SNTG2: variants seen among roughly 807,000 people sequenced by gnomAD.
SNTG2 encodes gamma-2-syntrophin.
In SNTG2, 74 loss-of-function variants were observed where a neutral mutation model predicts 70.9. The observed-to-expected ratio is 1.04, with a 90% CI of 0.86 to 1.27. The LOEUF is 1.27. SNTG2 is among the 50% of genes most tolerant of loss of function. SNTG2 has a pLI of 0.00. For missense variants in SNTG2, 717 were observed against 690.7 expected, an observed-to-expected ratio of 1.04 and a Z score of -0.43; for synonymous variants, 278 against 273.8, an observed-to-expected ratio of 1.02 and a Z score of -0.15.
chr2:1,118,564 T>C (rs1013622092), intron 4 of SNTG2, among the ~76,000 whole-genome samples: 6 of 151,534 alleles, frequency 4.0e-5, no homozygotes, highest in Non-Finnish European at 1.5e-5. Flanking sequence ...TCAGATAGCA[T>C]AAAAAGGAAC....
rs959788251 is a variant in SNTG2 at position 1,175,739 on chromosome 2, G to A, written c.591+2556G>A. Among the ~76,000 whole-genome samples the A allele has an allele frequency of 3.9e-5, 6 of 152,170 alleles. No individual in the cohort carries two copies. In the East Asian group the frequency reaches 1.2e-3, roughly 29 times the overall value. On this transcript the variant is annotated intron_variant, in intron 8 of 16. Transcript: ENST00000308624. The stretch of plus-strand genomic sequence containing the variant: ...GAAACTGTCCTCCTACCCTTTCTGT[G>A]CAGTTATCCTCAGGGTTTTTCTCCC...
At chr2:1,016,878 A>C (rs940354285) in intron 1 of SNTG2, among the ~76,000 whole-genome samples, 1 of 152,208 alleles carries the variant, frequency 6.6e-6, no homozygotes, top group Non-Finnish European at 1.5e-5. Context: ...AGCCTCTGCA[A>C]AACCAGCCAG....
intron 14 of SNTG2, among the ~76,000 whole-genome samples, chr2:1,284,885 G>A (rs1679703973): frequency 7.2e-6 from 1 of 138,456 alleles, no homozygotes; most frequent in South Asian, 2.4e-4. Context: ...TATTAGTCAG[G>A]GTTCTCTACA....
At chr2:1,274,489 G>A (rs1679190040) in intron 14 of SNTG2, among the ~76,000 whole-genome samples, 1 of 152,204 alleles carries the variant, frequency 6.6e-6, no homozygotes, top group Non-Finnish European at 1.5e-5. Flanking sequence ...CAGAGCAATA[G>A]TTTAATTTTA....
intron 16 of SNTG2, among the ~76,000 whole-genome samples, chr2:1,355,547 C>T (rs548161153): frequency 6.6e-6 from 1 of 152,296 alleles, no homozygotes; most frequent in South Asian, 2.1e-4. Context: ...GGCTGAATAA[C>T]GTACCTGCAT....
At chr2:1,224,873 G>A (rs1211320894) in intron 9 of SNTG2, among the ~76,000 whole-genome samples, 1 of 152,194 alleles carries the variant, frequency 6.6e-6, no homozygotes, top group Non-Finnish European at 1.5e-5. Context: ...GGTCACAAGA[G>A]TGGTTACGTT....
rs369770295 is a variant in SNTG2, at chr2:1,316,495, G to A, written c.1488+120G>A. 6 of 278,270 alleles carry A rather than the reference G, an allele frequency of 2.2e-5. No homozygotes were observed. The South Asian group carries it at 3.7e-4, about 17-fold the overall frequency. The allele number at this position is 278,270 out of a possible 1,614,324, so 17.2% of individuals were successfully genotyped here. On this transcript the variant is annotated intron_variant, in intron 16 of 16. Transcript: ENST00000308624. The stretch of plus-strand genomic sequence containing the variant: ...ACACAAAAATAAACCAATAGGTCCT[G>A]AAGCACGAGTCCTTCCTGAAAATTA...
chr2:1,007,276 A>G (rs1471580782), intron 1 of SNTG2, among the ~76,000 whole-genome samples: 1 of 152,110 alleles, frequency 6.6e-6, no homozygotes, highest in East Asian at 1.9e-4. Context: ...TGTTTTGGCC[A>G]ATTCCTGACC....
chr2:1,254,951 A>C (rs1282134096), intron 12 of SNTG2, among the ~76,000 whole-genome samples: 2 of 152,170 alleles, frequency 1.3e-5, no homozygotes, highest in African/African-American at 2.4e-5. Flanking sequence ...CGGACATGCA[A>C]AATCATTCCC....
chr2:1,076,658 G>A (rs951991122), intron 1 of SNTG2, among the ~76,000 whole-genome samples: 2 of 152,158 alleles, frequency 1.3e-5, no homozygotes, highest in African/African-American at 4.8e-5. Context: ...TCTCAGCAGA[G>A]ATGCACTCAG....
intron 4 of SNTG2, among the ~76,000 whole-genome samples, chr2:1,134,680 C>T (rs1023393241): frequency 7.2e-5 from 11 of 152,162 alleles, no homozygotes; most frequent in South Asian, 2.1e-4. Context: ...GATCCCCCAC[C>T]GGGGCTGCAG....
At chr2:1,308,369 C>A in intron 14 of SNTG2, 125 bp from the exon 15 acceptor site, 1 of 822,798 alleles carries the variant, frequency 1.2e-6, no homozygotes, top group South Asian at 1.7e-5. Context: ...GTTTTGTTCC[C>A]CGTAACTTGC....
chr2:1,017,008 T>A (rs975666435), intron 1 of SNTG2, among the ~76,000 whole-genome samples: 1 of 152,176 alleles, frequency 6.6e-6, no homozygotes, highest in Non-Finnish European at 1.5e-5. Context: ...CAGAGCTGGA[T>A]GAGCTATGAG....
intron 1 of SNTG2, among the ~76,000 whole-genome samples, chr2:999,976 A>G (rs1436498052): frequency 6.6e-6 from 1 of 151,938 alleles, no homozygotes; most frequent in Non-Finnish European, 1.5e-5. Context: ...ATTCCAAGAG[A>G]AACTCCCCAA....
At chr2:1,117,617 G>A (rs187165201) in intron 4 of SNTG2, among the ~76,000 whole-genome samples, 1 of 152,232 alleles carries the variant, frequency 6.6e-6, no homozygotes, top group Admixed American at 6.5e-5. Flanking sequence ...AACCGAGGCG[G>A]AGCTGTGCCA....
chr2:1,037,495 C>A (rs1175971076), intron 1 of SNTG2, among the ~76,000 whole-genome samples: 4 of 152,144 alleles, frequency 2.6e-5, no homozygotes, highest in Admixed American at 2.6e-4. Context: ...CCATTTACAG[C>A]CATTTTGCAT....
intron 14 of SNTG2, among the ~76,000 whole-genome samples, chr2:1,284,536 T>C (rs1201197436): frequency 6.6e-6 from 1 of 152,158 alleles, no homozygotes; most frequent in Non-Finnish European, 1.5e-5. Context: ...AAAAAGAGAA[T>C]ATATTTCTCA....
At chr2:1,279,379 A>T (rs1485351474) in intron 14 of SNTG2, among the ~76,000 whole-genome samples, 1 of 152,176 alleles carries the variant, frequency 6.6e-6, no homozygotes, top group Non-Finnish European at 1.5e-5. Context: ...CACAAGTTAA[A>T]CTTTATTGCA....
intron 4 of SNTG2, among the ~76,000 whole-genome samples, chr2:1,132,484 C>T (rs557898212): frequency 6.6e-6 from 1 of 152,302 alleles, no homozygotes; most frequent in East Asian, 1.9e-4. Context: ...AAAATTCTCT[C>T]TTGATGTAGG....
Sources: gnomAD v4.1 joint callset for allele counts (sites outside exome capture counted in the v4.1 genomes callset) on GRCh38, gnomAD v4.1.1 for gene constraint, MANE v1.5 for transcripts, NCBI Gene and HGNC (gene_info 2026-07-23, HGNC 2026-07-21) for gene names.